DHRSX: variants seen among roughly 807,000 people sequenced by gnomAD.
The protein encoded by DHRSX is dehydrogenase/reductase X-linked.
DHRSX carries 31 observed loss-of-function variants against 34.0 expected under a neutral mutation model. The ratio of observed to expected loss-of-function variants is 0.91; its 90% confidence interval spans 0.69 to 1.23. DHRSX has a LOEUF of 1.23. DHRSX is among the 50% of genes most tolerant of loss of function. DHRSX has a pLI of 0.00. For missense variants in DHRSX, 414 were observed against 428.1 expected (o/e 0.97, Z 0.29); for synonymous variants, 201 against 183.8 (o/e 1.09, Z -0.76).
At chrX:2,425,360 T>C in intron 1 of DHRSX, 56 bp from the exon 2 acceptor site, 1 of 1,480,516 alleles carries the variant, frequency 6.8e-7, no homozygotes. Context: ...GAGCACATAT[T>C]TGTAAGAATT....
At chrX:2,272,061 C>T (rs1363802605) in intron 4 of DHRSX, among the ~76,000 whole-genome samples, 1 of 151,766 alleles carries the variant, frequency 6.6e-6, no homozygotes, top group Non-Finnish European at 1.5e-5. Flanking sequence ...ATACCTGCAC[C>T]TGTCTGTTTC....
intron 1 of DHRSX, among the ~76,000 whole-genome samples, chrX:2,458,077 G>A (rs1329112741): frequency 1.3e-5 from 2 of 152,020 alleles, no homozygotes; most frequent in African/African-American, 4.8e-5. Flanking sequence ...TAGGACTAGG[G>A]ACTGCCACCG....
At chrX:2,364,545 A>C (rs1358668758) in intron 3 of DHRSX, among the ~76,000 whole-genome samples, 3 of 152,218 alleles carry the variant, frequency 2.0e-5, no homozygotes, top group African/African-American at 7.2e-5. Flanking sequence ...TATTTATAGA[A>C]TATCTATCGA....
chrX:2,429,554 C>T (rs190501373), intron 1 of DHRSX, among the ~76,000 whole-genome samples: 24 of 151,890 alleles, frequency 1.6e-4, no homozygotes, highest in African/African-American at 5.3e-4. Context: ...CTCAAATGAT[C>T]CTCCTGCCTC....
chrX:2,400,281 G>T (rs2043470012), intron 3 of DHRSX, among the ~76,000 whole-genome samples: 2 of 152,096 alleles, frequency 1.3e-5, no homozygotes. Flanking sequence ...AGAATTCCAT[G>T]CCATCAACAC....
chrX:2,282,514 G>A (rs911998799), intron 4 of DHRSX, among the ~76,000 whole-genome samples: 2 of 147,208 alleles, frequency 1.4e-5, no homozygotes, highest in Non-Finnish European at 3.0e-5. Flanking sequence ...GAGAGACAAG[G>A]GGAGAGACAG....
In DHRSX at chrX:2,389,294, G is replaced by A. The variant is rs758126680; in HGVS notation, c.286+19451C>T. Among the ~76,000 whole-genome samples the A allele has an allele frequency of 1.3e-3, 191 of 152,262 alleles. 2 individuals are homozygous for A. Among genetic ancestry groups the A allele is most frequent in the African/African-American group, 4.5e-3 (188 of 41,564 alleles). On this transcript the variant is annotated intron_variant, in intron 3 of 6. Transcript: ENST00000334651. ...GGCAGCTCATGGGGGGAAAGAGAGGGAAAGGCTGGGCCAGAGGCAGCAGAA... is the reference window on the plus strand; with the variant it reads ...GGCAGCTCATGGGGGGAAAGAGAGGAAAAGGCTGGGCCAGAGGCAGCAGAA...
At chrX:2,478,232 G>A (rs1004317883) in intron 1 of DHRSX, among the ~76,000 whole-genome samples, 1 of 152,224 alleles carries the variant, frequency 6.6e-6, no homozygotes, top group African/African-American at 2.4e-5. Flanking sequence ...GCGAGGTGCA[G>A]AGAGGAGCAG....
chrX:2,357,700 TAAAAAAAA>T (rs781233833), intron 3 of DHRSX, among the ~76,000 whole-genome samples: 1 of 125,166 alleles, frequency 8.0e-6, no homozygotes. Context: ...CTCAGGAAAT[TAAAAAAAA>T]AAAAAAAAAA....
At chrX:2,342,999 T>G (rs1268738704) in intron 3 of DHRSX, among the ~76,000 whole-genome samples, 1 of 151,986 alleles carries the variant, frequency 6.6e-6, no homozygotes, top group Non-Finnish European at 1.5e-5. Flanking sequence ...TCCCCTTGAT[T>G]AAAAACCGCC....
At chrX:2,276,078 G>C (rs373210112) in intron 4 of DHRSX, among the ~76,000 whole-genome samples, 1 of 152,170 alleles carries the variant, frequency 6.6e-6, no homozygotes, top group Non-Finnish European at 1.5e-5. Context: ...TCCTGACCTC[G>C]TGATCCATCC....
intron 6 of DHRSX, among the ~76,000 whole-genome samples, chrX:2,239,586 C>T (rs1049045155): frequency 6.6e-6 from 1 of 151,016 alleles, no homozygotes; most frequent in Non-Finnish European, 1.5e-5. Flanking sequence ...GAAACCCCGT[C>T]TCTACTAAAA....
At chrX:2,322,555 C>CA (rs752649879) in intron 3 of DHRSX, among the ~76,000 whole-genome samples, 9,797 of 123,062 alleles carry the variant, frequency 0.08, 660 homozygotes, top group African/African-American at 0.19. Context: ...AACTCCATCT[C>CA]AAAAAAAAAA....
At chrX:2,246,706 G>GAAAAGAA (rs1435900895) in intron 5 of DHRSX, among the ~76,000 whole-genome samples, 1 of 107,506 alleles carries the variant, frequency 9.3e-6, no homozygotes, top group Middle Eastern at 4.3e-3. Flanking sequence ...AAGAAAGAAA[G>GAAAAGAA]AGAAAGAAAG....
chrX:2,369,644 A>C (rs1603016740), intron 3 of DHRSX, among the ~76,000 whole-genome samples: 2 of 151,908 alleles, frequency 1.3e-5, no homozygotes, highest in East Asian at 3.9e-4. Context: ...CTACAGGCTC[A>C]CACCACCAAA....
At chrX:2,257,987 T>A (rs2041302433) in intron 5 of DHRSX, among the ~76,000 whole-genome samples, 1 of 152,054 alleles carries the variant, frequency 6.6e-6, no homozygotes, top group Admixed American at 6.6e-5. Flanking sequence ...TAGGTACTGA[T>A]CCAATAGGAC....
intron 4 of DHRSX, among the ~76,000 whole-genome samples, chrX:2,288,180 GGAGA>G (rs1208305900): frequency 3.3e-5 from 5 of 151,840 alleles, no homozygotes; most frequent in African/African-American, 4.8e-5. Flanking sequence ...GGGAAGAGAG[GGAGA>G]GAGAGAGAAC....
chrX:2,465,890 G>A (rs149893409), intron 1 of DHRSX, among the ~76,000 whole-genome samples: 124 of 151,606 alleles, frequency 8.2e-4, no homozygotes, highest in African/African-American at 2.8e-3. Context: ...TCTGCAACAG[G>A]GCATCACGCA....
At chrX:2,465,200 T>TTG (rs908070512) in intron 1 of DHRSX, among the ~76,000 whole-genome samples, 2 of 152,070 alleles carry the variant, frequency 1.3e-5, no homozygotes, top group African/African-American at 4.8e-5. Context: ...AGCTAAGACA[T>TTG]TGTGGGTGTA....
Sources: allele counts gnomAD v4.1 joint callset (sites outside exome capture counted in the v4.1 genomes callset), GRCh38; gene constraint gnomAD v4.1.1; transcripts MANE v1.5; gene names NCBI Gene and HGNC (gene_info 2026-07-23, HGNC 2026-07-21).